Variants in MRPL1 observed in about 807,000 individuals in gnomAD.
MRPL1 encodes the protein large ribosomal subunit protein uL1m.
MRPL1 carries 28 observed loss-of-function variants against 38.0 expected under a neutral mutation model. That is an observed-to-expected ratio of 0.74 (90% confidence interval 0.55 to 1.01). The LOEUF is 1.01. Among genes scored for constraint, MRPL1 ranks in the 50% least tolerant of loss-of-function variants. The pLI, the probability that MRPL1 is intolerant of heterozygous loss-of-function variation, is 0.00. For missense variants in MRPL1, 358 were observed against 389.8 expected, an observed-to-expected ratio of 0.92 and a Z score of 0.69; for synonymous variants, 123 against 126.7, an observed-to-expected ratio of 0.97 and a Z score of 0.20.
At chr4:77,866,979 C>G (rs924444201) in intron 1 of MRPL1, among the ~76,000 whole-genome samples, 1 of 152,056 alleles carries the variant, frequency 6.6e-6, no homozygotes, top group African/African-American at 2.4e-5. Context: ...ACCTCCTGAC[C>G]TCGTGATCCT....
At chr4:77,914,894 T>C (rs1426477823) in intron 7 of MRPL1, among the ~76,000 whole-genome samples, 1 of 152,154 alleles carries the variant, frequency 6.6e-6, no homozygotes, top group African/African-American at 2.4e-5. Context: ...CCAAATCTGG[T>C]TGTGGCTGTG....
At chr4:77,871,961 T>G (rs1190991017) in intron 2 of MRPL1, 106 bp downstream of exon 2, 13 of 743,688 alleles carry the variant, frequency 1.7e-5, no homozygotes, top group Non-Finnish European at 2.5e-5. Flanking sequence ...GTTGTAAAAG[T>G]TTATTATTTC....
intron 4 of MRPL1, 92 bp from the exon 5 acceptor site, chr4:77,887,128 G>C: frequency 9.8e-7 from 1 of 1,022,864 alleles, no homozygotes. Context: ...TTTGTACTTT[G>C]AACTGTGATA....
At chr4:77,942,456 T>G (rs1203318863) in intron 7 of MRPL1, among the ~76,000 whole-genome samples, 1 of 152,206 alleles carries the variant, frequency 6.6e-6, no homozygotes, top group Non-Finnish European at 1.5e-5. Context: ...GTGCTGTCAG[T>G]GGAGTTTTGA....
chr4:77,870,932 C>G (rs1190896670), intron 1 of MRPL1, among the ~76,000 whole-genome samples: 1 of 152,106 alleles, frequency 6.6e-6, no homozygotes, highest in African/African-American at 2.4e-5. Flanking sequence ...TCCAGTACCC[C>G]ACTTTGTTCT....
chr4:77,878,060 T>G (rs1260282330), intron 2 of MRPL1, among the ~76,000 whole-genome samples: 1 of 152,176 alleles, frequency 6.6e-6, no homozygotes, highest in East Asian at 1.9e-4. Context: ...ACACTAGCCC[T>G]AAAATTGTAG....
chr4:77,894,793 G>A (rs770057585), intron 6 of MRPL1, among the ~76,000 whole-genome samples: 5 of 152,132 alleles, frequency 3.3e-5, no homozygotes, highest in Admixed American at 1.3e-4. Context: ...GGGGTGTTCA[G>A]TGGAGGTGGA....
At chr4:77,926,797 C>T (rs745526329) in intron 7 of MRPL1, among the ~76,000 whole-genome samples, 11 of 151,702 alleles carry the variant, frequency 7.3e-5, no homozygotes, top group Non-Finnish European at 1.3e-4. Flanking sequence ...TTAGTAGAGA[C>T]GGGGCTTCGT....
chr4:77,880,388 G>GAA (rs998786576), intron 2 of MRPL1, among the ~76,000 whole-genome samples: 136 of 151,990 alleles, frequency 8.9e-4, no homozygotes, highest in Middle Eastern at 3.4e-3. Context: ...TTGGGAAGGG[G>GAA]AAAAGACTCT....
chr4:77,867,344 A>G (rs1578035353), intron 1 of MRPL1, among the ~76,000 whole-genome samples: 1 of 152,192 alleles, frequency 6.6e-6, no homozygotes, highest in East Asian at 1.9e-4. Flanking sequence ...GCTGTAATGC[A>G]TAATATTTGA....
intron 7 of MRPL1, among the ~76,000 whole-genome samples, chr4:77,914,929 C>T (rs533390441): frequency 2.6e-5 from 4 of 152,182 alleles, no homozygotes; most frequent in South Asian, 4.2e-4. Context: ...AGCCTGTGAG[C>T]TAACAATGGT....
At chr4:77,919,046 CTATT>C (rs1421695435) in intron 7 of MRPL1, among the ~76,000 whole-genome samples, 1 of 152,136 alleles carries the variant, frequency 6.6e-6, no homozygotes, top group African/African-American at 2.4e-5. Flanking sequence ...GTCTTGTCCT[CTATT>C]TATTATAAAA....
chr4:77,867,746 C>CTTTTTTTT (rs71214374), intron 1 of MRPL1, among the ~76,000 whole-genome samples: 2 of 92,038 alleles, frequency 2.2e-5, no homozygotes, highest in African/African-American at 4.2e-5. Context: ...ATAGTTATTT[C>CTTTTTTTT]TTTTTTTTTT....
intron 7 of MRPL1, 86 bp downstream of exon 7, chr4:77,909,458 G>A: frequency 1.2e-6 from 1 of 857,300 alleles, no homozygotes; most frequent in Non-Finnish European, 1.8e-6. Flanking sequence ...TAAAATGCCA[G>A]TCATTTGAAC....
intron 7 of MRPL1, among the ~76,000 whole-genome samples, chr4:77,929,792 T>C (rs1259179714): frequency 6.6e-6 from 1 of 151,378 alleles, no homozygotes; most frequent in Non-Finnish European, 1.5e-5. Flanking sequence ...AGAAGAATAA[T>C]ATGGAACAGA....
chr4:77,944,021 G>C (rs1421114311), intron 7 of MRPL1, among the ~76,000 whole-genome samples: 1 of 152,234 alleles, frequency 6.6e-6, no homozygotes, highest in African/African-American at 2.4e-5. Flanking sequence ...GACTACATCA[G>C]AGGGAAGTTC....
intron 5 of MRPL1, among the ~76,000 whole-genome samples, chr4:77,888,682 C>T (rs568681463): frequency 6.6e-6 from 1 of 151,908 alleles, no homozygotes; most frequent in Non-Finnish European, 1.5e-5. Context: ...AAAAGTTCCT[C>T]CTCTAGATAA....
intron 7 of MRPL1, among the ~76,000 whole-genome samples, chr4:77,946,874 T>TGTAGAC (rs1259373771): frequency 6.6e-6 from 1 of 152,152 alleles, no homozygotes; most frequent in African/African-American, 2.4e-5. Context: ...ACCCTGGTAT[T>TGTAGAC]GTAGACTAAG....
At chr4:77,918,022 C>CT (rs1736461123) in intron 7 of MRPL1, among the ~76,000 whole-genome samples, 2 of 150,400 alleles carry the variant, frequency 1.3e-5, no homozygotes, top group Admixed American at 1.3e-4. Context: ...CCACTGCACT[C>CT]CAGCCTGGGC....
Sources: allele counts gnomAD v4.1 joint callset (sites outside exome capture counted in the v4.1 genomes callset), GRCh38; gene constraint gnomAD v4.1.1; transcripts MANE v1.5; gene names NCBI Gene and HGNC (gene_info 2026-07-23, HGNC 2026-07-21).